The following LY9 variants were observed in gnomAD, a reference collection of about 807,000 sequenced individuals.
The protein encoded by LY9 is lymphocyte antigen 9, also known as T-lymphocyte surface antigen Ly-9.
In LY9, 59 loss-of-function variants were observed where a neutral mutation model predicts 64.6. The observed-to-expected ratio is 0.91, with a 90% CI of 0.74 to 1.13. The LOEUF (loss-of-function observed/expected upper bound fraction) is 1.13, where lower values mean the gene tolerates loss of function less well. Ranked by LOEUF, LY9 falls within the 50% of genes most tolerant of loss-of-function variation. The pLI is 0.00. For synonymous variants in LY9, 281 were observed against 308.5 expected (o/e 0.91, Z 0.93); for missense variants, 789 against 797.2 (o/e 0.99, Z 0.12).
rs202147058 is a variant in LY9 at position 160,814,801 on chromosome 1, T to C, written c.1072+40T>C. ...AGGGCACCCATCACCAGATTCCTTC[T>C]CTGAAAGCTTTCTCCTCTGCTGCCT... On this transcript the variant is annotated intron_variant, in intron 4 of 9. Coordinates refer to ENST00000263285, the MANE Select transcript of LY9 (RefSeq NM_002348.4). The C allele has an allele frequency of 4.8e-4, 733 of 1,536,192 alleles. 9 individuals carry two copies. Among genetic ancestry groups the C allele is most frequent in the South Asian group, 3.8e-3 (322 of 85,484 alleles).
intron 2 of LY9, chr1:160,801,946 C>G: frequency 6.2e-7 from 1 of 1,610,398 alleles, no homozygotes; most frequent in Non-Finnish European, 8.5e-7. Flanking sequence ...CACTGGAGAC[C>G]GCTCCGCCAT....
intron 6 of LY9, among the ~76,000 whole-genome samples, chr1:160,818,533 G>A (rs1330339126): frequency 6.6e-6 from 1 of 152,190 alleles, no homozygotes; most frequent in Non-Finnish European, 1.5e-5. Flanking sequence ...AAAAAGGCAT[G>A]TGGGAGCAGG....
At chr1:160,816,946 G>C in intron 5 of LY9, 83 bp downstream of exon 5, 3 of 1,387,752 alleles carry the variant, frequency 2.2e-6, no homozygotes, top group Middle Eastern at 2.0e-4. Context: ...TTTATGAAGT[G>C]CAGTAAGAGG....
At chr1:160,818,042 T>C (rs1420128745) in intron 5 of LY9, among the ~76,000 whole-genome samples, 176 bp from the exon 6 acceptor site, 1 of 152,252 alleles carries the variant, frequency 6.6e-6, no homozygotes, top group East Asian at 1.9e-4. Flanking sequence ...TGCTATAACC[T>C]CTTGCCTAGA....
intron 2 of LY9, among the ~76,000 whole-genome samples, chr1:160,804,072 G>A (rs754557023): frequency 2.0e-5 from 3 of 152,126 alleles, no homozygotes; most frequent in Non-Finnish European, 4.4e-5. Context: ...CACTTTGAAT[G>A]TTTTTTATTT....
intron 2 of LY9, chr1:160,802,543 T>C: frequency 1.0e-6 from 1 of 985,654 alleles, no homozygotes; most frequent in Non-Finnish European, 1.2e-6. Flanking sequence ...GTGTTTGTTT[T>C]TCCAAGAAAT....
At chr1:160,808,115 G>C (rs61801922) in intron 2 of LY9, among the ~76,000 whole-genome samples, 1 of 152,168 alleles carries the variant, frequency 6.6e-6, no homozygotes, top group Admixed American at 6.5e-5. Flanking sequence ...CTTCCCCCAA[G>C]CCAGCACTAG....
rs539304267 is a variant in LY9, at chr1:160,811,195, C to T, written c.455-2441C>T. On this transcript the variant is annotated intron_variant, in intron 2 of 9. Coordinates refer to ENST00000263285, the MANE Select transcript of LY9 (RefSeq NM_002348.4). ...TACTTCTGAACTGCCTGTGGGGTCA[C>T]TCTTCCCTTTTCTTGAAGGATAATA... 3.3e-5 allele frequency: 5 copies of T among 152,368 alleles called. No homozygotes were observed. In the East Asian group the frequency reaches 9.6e-4, roughly 29 times the overall value. 9.4% of individuals were successfully genotyped at this position (152,368 alleles called of 1,614,324 possible).
intron 7 of LY9, among the ~76,000 whole-genome samples, chr1:160,820,982 G>A (rs1042055014): frequency 3.3e-5 from 5 of 150,394 alleles, no homozygotes; most frequent in South Asian, 2.1e-4. Context: ...GTGAAACCCC[G>A]TCTCTACCAA....
intron 5 of LY9, 74 bp from the exon 6 acceptor site, chr1:160,818,144 C>G: frequency 1.1e-6 from 1 of 943,174 alleles, no homozygotes. Flanking sequence ...GGATGGCCAT[C>G]ATGTTCTGTG....
intron 7 of LY9, among the ~76,000 whole-genome samples, chr1:160,821,885 C>T (rs922418850): frequency 2.6e-5 from 4 of 152,214 alleles, no homozygotes; most frequent in Non-Finnish European, 5.9e-5. Context: ...GTAGTCAAAT[C>T]CTGGCCCTAC....
chr1:160,800,112 T>A, intron 2 of LY9, 30 bp downstream of exon 2: 1 of 1,552,468 alleles, frequency 6.4e-7, no homozygotes, highest in African/African-American at 1.4e-5. Context: ...TGTGTTTTGA[T>A]CTTTTCTTTT....
At position 160,814,567 on chromosome 1, in the gene LY9, G is replaced by A; in HGVS notation, c.878G>A (p.Arg293Lys). 1 of 1,614,158 alleles carries A rather than the reference G, an allele frequency of 6.2e-7. No homozygotes were observed. The highest frequency in any genetic ancestry group is 1.1e-5 in the South Asian group (1 of 91,074). Residue 293 changes from arginine to lysine, a missense_variant, in exon 4 of 10, where the codon AGG (arginine) becomes AAG (lysine). Transcript: ENST00000263285. The stretch of plus-strand genomic sequence containing the variant: ...AACACATCCATCATTAGCAAAGAGA[G>A]GGAAGAAGCAGCAACGGCAGATCCA... ...LFNTSIISKE[R>K]EEAATADPLI...
At chr1:160,819,461 C>G in intron 7 of LY9, 87 bp downstream of exon 7, 1 of 1,198,332 alleles carries the variant, frequency 8.3e-7, no homozygotes. Context: ...GTCTGCTGGC[C>G]AGCAGTGTGG....
chr1:160,810,333 G>A (rs900560251), intron 2 of LY9: 1 of 152,134 alleles, frequency 6.6e-6, no homozygotes, highest in Admixed American at 6.5e-5. Flanking sequence ...CACAATTCTG[G>A]AGACTAGAAA....
rs1667722081 is a variant in LY9 at position 160,813,841 on chromosome 1, C to T, written c.660C>T (p.Tyr220=). The change falls in exon 3 of 10, where the codon TAC becomes TAT. Residue 220 remains tyrosine, a synonymous_variant. Coordinates refer to ENST00000263285, the MANE Select transcript of LY9 (RefSeq NM_002348.4). ...CACCATGTGACCCAGACCTGCCATA[C>T]ATCTGCACAGCCCAGAACCCCGTCA... ...SRTPCDPDLP[Y]ICTAQNPVSQ... The T allele has an allele frequency of 1.9e-6, 3 of 1,614,200 alleles. No homozygotes were observed. The highest frequency in any genetic ancestry group is 1.3e-5 in the African/African-American group (1 of 75,032).
chr1:160,800,104 T>C, intron 2 of LY9, 22 bp downstream of exon 2: 1 of 1,562,822 alleles, frequency 6.4e-7, no homozygotes, highest in Non-Finnish European at 8.7e-7. Flanking sequence ...AGAGCTTCTG[T>C]GTTTTGATCT....
At chr1:160,803,444 T>A (rs1173756335) in intron 2 of LY9, among the ~76,000 whole-genome samples, 1 of 152,182 alleles carries the variant, frequency 6.6e-6, no homozygotes. Flanking sequence ...ATTTCTCCAT[T>A]TGTTTGTGTC....
intron 2 of LY9, among the ~76,000 whole-genome samples, chr1:160,805,426 A>G (rs1443729679): frequency 6.6e-6 from 1 of 151,470 alleles, no homozygotes; most frequent in African/African-American, 2.4e-5. Flanking sequence ...GTTAATATTG[A>G]TTTCTAGTTT....
Sources: gnomAD v4.1 joint callset for allele counts (sites outside exome capture counted in the v4.1 genomes callset) on GRCh38, gnomAD v4.1.1 for gene constraint, MANE v1.5 for transcripts, NCBI Gene and HGNC (gene_info 2026-07-23, HGNC 2026-07-21) for gene names.